CORIN: variants seen among roughly 807,000 people sequenced by gnomAD.
The protein encoded by CORIN is atrial natriuretic peptide-converting enzyme.
In CORIN, 117 loss-of-function variants were observed where a neutral mutation model predicts 125.3. The observed-to-expected ratio is 0.93, with a 90% CI of 0.80 to 1.09. The LOEUF (loss-of-function observed/expected upper bound fraction) is 1.09, where lower values mean the gene tolerates loss of function less well. CORIN is among the 50% of genes least tolerant of loss of function. CORIN has a pLI of 0.00. For missense variants in CORIN, 1,253 were observed against 1,306.7 expected (o/e 0.96, Z 0.63); for synonymous variants, 450 against 466.4 (o/e 0.96, Z 0.45).
At chr4:47,634,397 G>A (rs938264991) in intron 16 of CORIN, among the ~76,000 whole-genome samples, 3 of 152,198 alleles carry the variant, frequency 2.0e-5, no homozygotes, top group African/African-American at 7.2e-5. Context: ...ACTTTGGGAG[G>A]CCAAAGCAGG....
chr4:47,691,261 T>C (rs1232475750), intron 6 of CORIN, among the ~76,000 whole-genome samples: 1 of 152,190 alleles, frequency 6.6e-6, no homozygotes, highest in Admixed American at 6.5e-5. Flanking sequence ...TGGGCCACAA[T>C]GGGAGAATAG....
At chr4:47,635,823 C>T (rs188043486) in intron 16 of CORIN, among the ~76,000 whole-genome samples, 28 of 152,326 alleles carry the variant, frequency 1.8e-4, no homozygotes, top group Admixed American at 1.5e-3. Flanking sequence ...GAAGTTAAGT[C>T]ATTACTAAGG....
intron 16 of CORIN, among the ~76,000 whole-genome samples, chr4:47,634,816 G>T (rs77397589): frequency 0.019 from 2,920 of 152,218 alleles, 108 homozygotes; most frequent in African/African-American, 0.066. Flanking sequence ...TACAAAGAAG[G>T]TTGCTCCCAT....
At chr4:47,809,396 C>CTTTTT (rs374248975) in intron 1 of CORIN, among the ~76,000 whole-genome samples, 3 of 107,362 alleles carry the variant, frequency 2.8e-5, no homozygotes, top group Non-Finnish European at 3.6e-5. Context: ...GAATTGATTG[C>CTTTTT]TTTTTTTTTT....
At chr4:47,607,627 G>A (rs536629901) in intron 19 of CORIN, among the ~76,000 whole-genome samples, 2 of 152,206 alleles carry the variant, frequency 1.3e-5, no homozygotes, top group African/African-American at 4.8e-5. Context: ...AGTCTCCTGG[G>A]GTGAAGGACA....
Position 47,720,883 on chromosome 4 carries a change from T to C in CORIN, c.799+23519A>G, listed in dbSNP as rs74405100. 7.9e-3 allele frequency among the ~76,000 whole-genome samples: 1,195 copies of C among 152,210 alleles called. 18 individuals are homozygous for C. The highest frequency in any genetic ancestry group is 0.026 in the African/African-American group (1,091 of 41,514). ...TCTTTGAAACACTAACAGGCCCAGATTCAAAGGGGTTCAGATCACAGCTCA... is the reference window on the plus strand; with the variant it reads ...TCTTTGAAACACTAACAGGCCCAGACTCAAAGGGGTTCAGATCACAGCTCA... On this transcript the variant is annotated intron_variant, in intron 5 of 21. Transcript: ENST00000273857.
intron 13 of CORIN, among the ~76,000 whole-genome samples, chr4:47,647,233 A>T (rs1167693761): frequency 6.6e-6 from 1 of 152,184 alleles, no homozygotes; most frequent in Non-Finnish European, 1.5e-5. Flanking sequence ...GCCAAATGGT[A>T]CAGTCTGCTC....
At chr4:47,681,924 A>G (rs566539735) in intron 7 of CORIN, 2 of 152,048 alleles carry the variant, frequency 1.3e-5, no homozygotes, top group East Asian at 3.9e-4. Flanking sequence ...AGAAGAAAAT[A>G]TGGTACATCT....
chr4:47,657,549 A>AG (rs1332105078), intron 12 of CORIN, among the ~76,000 whole-genome samples: 22 of 151,668 alleles, frequency 1.5e-4, no homozygotes, highest in Admixed American at 4.6e-4. Context: ...AAAAAAAAAA[A>AG]AAAAGAAAAA....
At chr4:47,814,140 C>T (rs577723423) in intron 1 of CORIN, among the ~76,000 whole-genome samples, 1 of 152,302 alleles carries the variant, frequency 6.6e-6, no homozygotes, top group African/African-American at 2.4e-5. Flanking sequence ...CAAATATACT[C>T]TTCCATTTCA....
intron 16 of CORIN, among the ~76,000 whole-genome samples, chr4:47,627,459 C>T (rs759883846): frequency 1.3e-5 from 2 of 152,092 alleles, no homozygotes; most frequent in African/African-American, 2.4e-5. Flanking sequence ...GAATTATAAA[C>T]ATTTGATTTT....
rs1472136889 is a variant in CORIN at position 47,623,607 on chromosome 4, T to C, written c.2504A>G (p.Lys835Arg). ...GHICGCVLIA[K>R]KWVLTVAHCF... ...GTGGGCAACTGTCAGAACCCACTTC[T>C]TGGCAATGAGGACACAGCCACAGAT... The change falls in exon 19 of 22, where the codon AAG becomes AGG. Residue 835 changes from lysine to arginine, a missense_variant. Lys to Arg is a conservative substitution (Grantham distance 26, BLOSUM62 2). Coordinates refer to ENST00000273857, the MANE Select transcript of CORIN (RefSeq NM_006587.4). 6.2e-7 allele frequency: 1 copy of C among 1,614,200 alleles called. No individual in the cohort carries two copies. Among genetic ancestry groups the C allele is most frequent in the South Asian group, 1.1e-5 (1 of 91,090 alleles).
chr4:47,627,849 T>G (rs12509275), intron 16 of CORIN, among the ~76,000 whole-genome samples: 39,637 of 152,058 alleles, frequency 0.26, 5,392 homozygotes, highest in Admixed American at 0.35. Flanking sequence ...AAATCAGGTA[T>G]TCATAGGGCA....
chr4:47,833,520 G>GCAAAAAAAAAAAAAAAAAAA (rs1733177766), intron 1 of CORIN, among the ~76,000 whole-genome samples: 1 of 44,254 alleles, frequency 2.3e-5, no homozygotes, highest in Non-Finnish European at 4.9e-5. Context: ...AAAAGCATAG[G>GCAAAAAAAAAAAAAAAAAAA]CAAAAAAAAA....
chr4:47,735,121 T>C (rs926377658), intron 5 of CORIN, among the ~76,000 whole-genome samples: 1 of 152,248 alleles, frequency 6.6e-6, no homozygotes, highest in East Asian at 1.9e-4. Context: ...AAGACTGTAT[T>C]ATATAATAAA....
intron 5 of CORIN, among the ~76,000 whole-genome samples, chr4:47,721,098 T>C (rs1200223194): frequency 6.6e-6 from 1 of 152,090 alleles, no homozygotes; most frequent in African/African-American, 2.4e-5. Context: ...GGGTGCACAG[T>C]GGCATTCTTA....
intron 6 of CORIN, among the ~76,000 whole-genome samples, chr4:47,692,737 T>G (rs1291758933): frequency 1.3e-5 from 2 of 152,214 alleles, no homozygotes. Context: ...AACCACTTTG[T>G]GCAAAAACGC....
intron 1 of CORIN, among the ~76,000 whole-genome samples, chr4:47,836,227 T>C (rs1332762298): frequency 1.3e-5 from 2 of 152,166 alleles, no homozygotes; most frequent in African/African-American, 4.8e-5. Flanking sequence ...TCCCAGGATC[T>C]GAGGACCAAT....
intron 6 of CORIN, among the ~76,000 whole-genome samples, chr4:47,687,522 T>C (rs528785286): frequency 4.5e-4 from 68 of 152,338 alleles, no homozygotes; most frequent in African/African-American, 1.5e-3. Flanking sequence ...TGCATGTTAA[T>C]ATTGATTTCA....
Sources: allele counts gnomAD v4.1 joint callset (sites outside exome capture counted in the v4.1 genomes callset), GRCh38; gene constraint gnomAD v4.1.1; transcripts MANE v1.5; gene names NCBI Gene and HGNC (gene_info 2026-07-23, HGNC 2026-07-21).